The following CRTAC1 variants were observed in gnomAD, a reference collection of about 807,000 sequenced individuals.
The protein encoded by CRTAC1 is cartilage acidic protein 1.
CRTAC1 carries 37 observed loss-of-function variants against 67.8 expected under a neutral mutation model. The ratio of observed to expected loss-of-function variants is 0.55; its 90% CI spans 0.42 to 0.72. The LOEUF (loss-of-function observed/expected upper bound fraction) is 0.72, where lower values mean the gene tolerates loss of function less well. Among genes scored for constraint, CRTAC1 ranks in the 30% least tolerant of loss-of-function variants. The pLI is 0.00. For missense variants in CRTAC1, 780 were observed against 931.6 expected (o/e 0.84, Z 2.12); for synonymous variants, 348 against 371.0 (o/e 0.94, Z 0.71).
At position 97,975,237 on chromosome 10, in the gene CRTAC1, A is replaced by T. The variant is rs951532741; in HGVS notation, c.224+35901T>A. Among the ~76,000 whole-genome samples the T allele has an allele frequency of 5.3e-5, 8 of 152,150 alleles. No homozygotes were observed. The highest frequency in any genetic ancestry group is 1.9e-4 in the African/African-American group (8 of 41,450). ...CACAAAATGCTCTTGGCTCAATCCC[A>T]GGTCGCAGAGGGACCCGGGGCCCGG... On this transcript the variant is annotated intron_variant, in intron 2 of 14. Transcript: ENST00000370597. The surrounding 1 kb of genome is among the most constrained non-coding windows in gnomAD (Gnocchi z 4.8).
At chr10:97,897,469 G>C (rs2050477622) in intron 8 of CRTAC1, among the ~76,000 whole-genome samples, 1 of 152,164 alleles carries the variant, frequency 6.6e-6, no homozygotes, top group Admixed American at 6.5e-5. Flanking sequence ...CTGTATAAAT[G>C]CATCTGATCT....
chr10:97,888,527 C>G (rs1437224764), intron 11 of CRTAC1, among the ~76,000 whole-genome samples: 1 of 151,784 alleles, frequency 6.6e-6, no homozygotes, highest in African/African-American at 2.4e-5. Flanking sequence ...TTCACACTTA[C>G]GAGGTGGGTA....
At position 97,931,776 on chromosome 10, in the gene CRTAC1, G is replaced by A. The variant is rs548394444; in HGVS notation, c.421+4394C>T. Among the ~76,000 whole-genome samples, 10 of 152,338 alleles carry A rather than the reference G, an allele frequency of 6.6e-5. No individual in the cohort carries two copies. In the East Asian group the frequency reaches 1.4e-3, roughly 21 times the overall value. Reference sequence around the variant, plus strand: ...TTTGTTACCCCAGGCCAGCTCATGCGGGCGGGAGTGCTCAGGGCTATTCAG... The same window carrying A: ...TTTGTTACCCCAGGCCAGCTCATGCAGGCGGGAGTGCTCAGGGCTATTCAG... On this transcript the variant is annotated intron_variant, in intron 3 of 14. Transcript: ENST00000370597.
chr10:97,917,743 G>A (rs188835614), intron 4 of CRTAC1, 87 bp from the exon 5 acceptor site: 1 of 1,118,350 alleles, frequency 8.9e-7, no homozygotes, highest in African/African-American at 1.6e-5. Context: ...TAGGACCATA[G>A]CTCTTTCACA....
intron 2 of CRTAC1, among the ~76,000 whole-genome samples, chr10:97,949,843 A>G (rs1218630980): frequency 6.6e-6 from 1 of 152,258 alleles, no homozygotes; most frequent in Non-Finnish European, 1.5e-5. Context: ...AGGGCTGTGC[A>G]GAGGATTAGG....
chr10:97,907,143 T>C (rs774146189), intron 6 of CRTAC1, among the ~76,000 whole-genome samples: 7 of 152,170 alleles, frequency 4.6e-5, no homozygotes, highest in Admixed American at 1.3e-4. Flanking sequence ...GGCCAAGCCT[T>C]GCGTCAAGAA....
intron 3 of CRTAC1, among the ~76,000 whole-genome samples, chr10:97,924,534 G>T (rs1299078945): frequency 6.6e-6 from 1 of 152,180 alleles, no homozygotes; most frequent in Non-Finnish European, 1.5e-5. Context: ...ATGATCTGGA[G>T]CCCCAGTGTT....
At chr10:97,950,625 T>C (rs2051339968) in intron 2 of CRTAC1, among the ~76,000 whole-genome samples, 1 of 152,124 alleles carries the variant, frequency 6.6e-6, no homozygotes, top group African/African-American at 2.4e-5. Context: ...AGGACTTGCC[T>C]GGTGAAGGGT....
At chr10:97,924,153 G>A (rs1206131621) in intron 3 of CRTAC1, among the ~76,000 whole-genome samples, 1 of 152,168 alleles carries the variant, frequency 6.6e-6, no homozygotes, top group Admixed American at 6.5e-5. Flanking sequence ...TCTGGAGCTC[G>A]TTCGTGACTA....
chr10:98,001,602 T>A (rs1842689736), intron 2 of CRTAC1, among the ~76,000 whole-genome samples: 1 of 152,038 alleles, frequency 6.6e-6, no homozygotes, highest in Admixed American at 6.5e-5. Flanking sequence ...TCATATGAAC[T>A]GCATGATGGT....
chr10:97,925,469 G>A (rs1312033429), intron 3 of CRTAC1, among the ~76,000 whole-genome samples: 2 of 151,878 alleles, frequency 1.3e-5, no homozygotes, highest in East Asian at 3.9e-4. Context: ...ACAAGAACGA[G>A]TGAGTGTGAG....
At chr10:98,023,120 C>G (rs1163384873) in intron 1 of CRTAC1, among the ~76,000 whole-genome samples, 2 of 152,138 alleles carry the variant, frequency 1.3e-5, no homozygotes, top group Non-Finnish European at 2.9e-5. Context: ...TTCCCTGCAG[C>G]AGCCAGGTGG....
intron 8 of CRTAC1, among the ~76,000 whole-genome samples, chr10:97,898,147 C>A (rs1381911733): frequency 6.6e-6 from 1 of 152,228 alleles, no homozygotes; most frequent in Non-Finnish European, 1.5e-5. Flanking sequence ...GGATAACACC[C>A]AGCAATCAAT....
At chr10:97,916,842 G>A (rs2050765966) in intron 5 of CRTAC1, among the ~76,000 whole-genome samples, 1 of 152,212 alleles carries the variant, frequency 6.6e-6, no homozygotes, top group Admixed American at 6.5e-5. Flanking sequence ...GATTATCAGA[G>A]TTTAGTCAGC....
chr10:98,013,164 A>G (rs1291818255), intron 1 of CRTAC1, among the ~76,000 whole-genome samples: 1 of 152,216 alleles, frequency 6.6e-6, no homozygotes, highest in East Asian at 1.9e-4. Context: ...AGGAGTTTCA[A>G]TTTGAGGGCC....
intron 2 of CRTAC1, among the ~76,000 whole-genome samples, chr10:97,993,236 G>A (rs1220264631): frequency 6.6e-6 from 1 of 152,110 alleles, no homozygotes; most frequent in Non-Finnish European, 1.5e-5. Flanking sequence ...TTTAATGAAA[G>A]GGAAATTAGC....
At chr10:97,904,579 C>T in intron 7 of CRTAC1, 90 bp downstream of exon 7, 2 of 1,346,788 alleles carry the variant, frequency 1.5e-6, no homozygotes, top group Non-Finnish European at 2.0e-6. Context: ...ACCACCACAC[C>T]TGGCCAATTT....
intron 2 of CRTAC1, among the ~76,000 whole-genome samples, chr10:97,977,362 G>A (rs1300300885): frequency 2.0e-5 from 3 of 152,192 alleles, no homozygotes; most frequent in Admixed American, 2.0e-4. Context: ...CAAGAAAGGA[G>A]GAAGGCTCAG....
chr10:97,974,015 C>T (rs1312282728), intron 2 of CRTAC1, among the ~76,000 whole-genome samples: 2 of 151,778 alleles, frequency 1.3e-5, no homozygotes, highest in Non-Finnish European at 2.9e-5. Context: ...AATGACTGCC[C>T]TACACATTCT....
Sources: allele counts gnomAD v4.1 joint callset (sites outside exome capture counted in the v4.1 genomes callset), GRCh38; gene constraint gnomAD v4.1.1; non-coding constraint Gnocchi (gnomAD v3.1); transcripts MANE v1.5; gene names NCBI Gene and HGNC (gene_info 2026-07-23, HGNC 2026-07-21).